The following KCNN2 variants were observed in gnomAD, a reference collection of about 807,000 sequenced individuals.
KCNN2 encodes potassium calcium-activated channel subfamily N member 2, also known as small conductance calcium-activated potassium channel protein 2.
A neutral mutation model predicts 55.5 loss-of-function variants in KCNN2; 24 were observed. The ratio of observed to expected loss-of-function variants is 0.43; its 90% CI spans 0.31 to 0.61. The LOEUF is 0.61. Ranked by LOEUF, KCNN2 falls within the 20% of genes least tolerant of loss-of-function variation. The pLI, the probability that KCNN2 is intolerant of heterozygous loss-of-function variation, is 0.08. For synonymous variants in KCNN2, 431 were observed against 336.1 expected (o/e 1.28, Z -3.09); for missense variants, 754 against 853.6 (o/e 0.88, Z 1.45).
At chr5:114,394,584 ATGGCCAGGTTCTTACC>A (rs1322993342) in intron 2 of KCNN2, among the ~76,000 whole-genome samples, 1 of 152,232 alleles carries the variant, frequency 6.6e-6, no homozygotes, top group Non-Finnish European at 1.5e-5. Context: ...CTCCAAGGTT[ATGGCCAGGTTCTTACC>A]TGATTTCTTT....
At chr5:114,082,336 AAAG>A (rs1423392898) in intron 1 of KCNN2, among the ~76,000 whole-genome samples, 1 of 152,108 alleles carries the variant, frequency 6.6e-6, no homozygotes, top group Non-Finnish European at 1.5e-5. Flanking sequence ...AAAAAAAAAA[AAAG>A]AAAAAGATGC....
chr5:114,259,023 A>G (rs558097740), intron 2 of KCNN2, among the ~76,000 whole-genome samples: 81 of 152,220 alleles, frequency 5.3e-4, no homozygotes, highest in South Asian at 3.5e-3. Context: ...GGTAGCCACT[A>G]TGGTTGTGTC....
chr5:114,331,434 T>G (rs1005138564), intron 2 of KCNN2, among the ~76,000 whole-genome samples: 8 of 152,218 alleles, frequency 5.3e-5, no homozygotes, highest in African/African-American at 1.9e-4. Flanking sequence ...CATGGGGACA[T>G]GTTGGCATTT....
Position 114,198,365 on chromosome 5 carries a change from TATATATAC to T in KCNN2, c.-270-23099_-270-23092del, listed in dbSNP as rs563445320. 5.8e-3 allele frequency among the ~76,000 whole-genome samples: 867 copies of T among 150,300 alleles called. 5 individuals are homozygous for T. The highest frequency in any genetic ancestry group is 0.02 in the African/African-American group (824 of 41,110). ...ATACGTGTATATATACATAGGTGTG[TATATATAC>T]ATATATACATATATATGTGTATGTG... On this transcript the variant is annotated intron_variant, in intron 1 of 10. Coordinates refer to the KCNN2 transcript ENST00000512097.
chr5:114,272,699 TG>T (rs2150009122), intron 2 of KCNN2, among the ~76,000 whole-genome samples: 1 of 152,244 alleles, frequency 6.6e-6, no homozygotes, highest in Non-Finnish European at 1.5e-5. Flanking sequence ...TTAATTGTAT[TG>T]CTGATATAAA....
chr5:114,368,950 T>C (rs1243581054), intron 2 of KCNN2, among the ~76,000 whole-genome samples: 1 of 152,128 alleles, frequency 6.6e-6, no homozygotes, highest in African/African-American at 2.4e-5. Flanking sequence ...TGAGAGCCGA[T>C]AGGCAAATTG....
intron 2 of KCNN2, among the ~76,000 whole-genome samples, chr5:114,375,781 T>G (rs1488247143): frequency 1.3e-5 from 2 of 151,902 alleles, no homozygotes; most frequent in African/African-American, 4.8e-5. Context: ...CTTCTACAAT[T>G]TAAGCATGGG....
chr5:114,457,338 T>C (rs1285411270), intron 3 of KCNN2, among the ~76,000 whole-genome samples: 4 of 152,198 alleles, frequency 2.6e-5, no homozygotes, highest in Non-Finnish European at 5.9e-5. Flanking sequence ...GGTATATACA[T>C]TTTTTAAGAC....
chr5:114,198,047 C>T (rs1753594640), intron 1 of KCNN2, among the ~76,000 whole-genome samples: 1 of 151,924 alleles, frequency 6.6e-6, no homozygotes, highest in African/African-American at 2.4e-5. Flanking sequence ...TTTCTTCGTT[C>T]TCAAAGTCCT....
At chr5:114,242,059 G>A (rs967961102) in intron 2 of KCNN2, among the ~76,000 whole-genome samples, 17 of 151,414 alleles carry the variant, frequency 1.1e-4, no homozygotes, top group African/African-American at 4.1e-4. Context: ...CGGTGAAATG[G>A]AGAGTGTCAG....
intron 3 of KCNN2, among the ~76,000 whole-genome samples, chr5:114,420,319 G>C (rs1284748396): frequency 1.3e-5 from 2 of 152,202 alleles, no homozygotes; most frequent in Non-Finnish European, 2.9e-5. Context: ...AAAAGCAGTA[G>C]CTCCAGGCTA....
intron 1 of KCNN2, among the ~76,000 whole-genome samples, chr5:114,057,653 T>C (rs6894564): frequency 0.022 from 3,285 of 152,144 alleles, 132 homozygotes; most frequent in African/African-American, 0.074. Context: ...GTAGATACTA[T>C]AAAGAAAAGA....
At chr5:114,347,438 G>T (rs1392728993) in intron 2 of KCNN2, among the ~76,000 whole-genome samples, 2 of 152,150 alleles carry the variant, frequency 1.3e-5, no homozygotes, top group Non-Finnish European at 2.9e-5. Flanking sequence ...CACTTACTAG[G>T]CTGCGTGCTT....
chr5:114,144,170 A>T (rs934327792), intron 1 of KCNN2, among the ~76,000 whole-genome samples: 1 of 152,202 alleles, frequency 6.6e-6, no homozygotes, highest in Admixed American at 6.6e-5. Flanking sequence ...CTGATTCCCA[A>T]TTGTGAACAG....
At chr5:114,303,838 T>C (rs982908284) in intron 2 of KCNN2, among the ~76,000 whole-genome samples, 1 of 151,966 alleles carries the variant, frequency 6.6e-6, no homozygotes, top group Non-Finnish European at 1.5e-5. Flanking sequence ...CTGAGGAAGT[T>C]TGGAAGTTAT....
chr5:114,260,743 G>C (rs1755090698), intron 2 of KCNN2, among the ~76,000 whole-genome samples: 1 of 152,082 alleles, frequency 6.6e-6, no homozygotes, highest in South Asian at 2.1e-4. Context: ...TCCTTGTCTG[G>C]TTTACCTTTG....
At chr5:114,115,447 A>G (rs1325589114) in intron 1 of KCNN2, among the ~76,000 whole-genome samples, 2 of 152,122 alleles carry the variant, frequency 1.3e-5, no homozygotes, top group Non-Finnish European at 2.9e-5. Flanking sequence ...GCATTTGATT[A>G]TATAAGGCTG....
rs547600497 is a variant in KCNN2, at chr5:114,391,041, G to A, written c.1219-13397G>A. Among the ~76,000 whole-genome samples the A allele has an allele frequency of 5.3e-5, 8 of 152,192 alleles. No individual in the cohort carries two copies. In the East Asian group the frequency reaches 1.5e-3, roughly 29 times the overall value. On this transcript the variant is annotated intron_variant, in intron 2 of 7. Coordinates refer to ENST00000673685, the MANE Select transcript of KCNN2 (RefSeq NM_021614.4). The stretch of plus-strand genomic sequence containing the variant: ...TGGATAATTCTAGGATTTTTGACCT[G>A]TAGATAAAGCTCTTGCCTAAGTCAG...
intron 3 of KCNN2, among the ~76,000 whole-genome samples, chr5:114,420,547 T>G (rs2150080422): frequency 6.6e-6 from 1 of 152,336 alleles, no homozygotes; most frequent in Non-Finnish European, 1.5e-5. Flanking sequence ...GAGTCTCTAC[T>G]AAGACCTCTT....
Sources: gnomAD v4.1 joint callset for allele counts (sites outside exome capture counted in the v4.1 genomes callset) on GRCh38, gnomAD v4.1.1 for gene constraint, MANE v1.5 for transcripts, NCBI Gene and HGNC (gene_info 2026-07-23, HGNC 2026-07-21) for gene names.